SLCO1B3: variants seen among roughly 807,000 people sequenced by gnomAD.
SLCO1B3 encodes the protein solute carrier organic anion transporter family member 1B3.
SLCO1B3 carries 72 observed loss-of-function variants against 71.8 expected under a neutral mutation model. The ratio of observed to expected loss-of-function variants is 1.00; its 90% CI spans 0.83 to 1.22. The LOEUF (loss-of-function observed/expected upper bound fraction) is 1.22, where lower values mean the gene tolerates loss of function less well. SLCO1B3 is among the 50% of genes most tolerant of loss of function. The pLI is 0.00. For missense variants in SLCO1B3, 911 were observed against 819.7 expected (o/e 1.11, Z -1.36); for synonymous variants, 298 against 278.4 (o/e 1.07, Z -0.70).
intron 15 of SLCO1B3, among the ~76,000 whole-genome samples, chr12:20,910,071 G>A (rs949176182): frequency 3.9e-5 from 6 of 152,106 alleles, no homozygotes; most frequent in Non-Finnish European, 8.8e-5. Context: ...GCTTACTCCT[G>A]TGTTACGTCC....
chr12:20,840,548 C>A (rs1864775472), intron 3 of SLCO1B3, among the ~76,000 whole-genome samples: 1 of 152,026 alleles, frequency 6.6e-6, no homozygotes, highest in African/African-American at 2.4e-5. Flanking sequence ...CAACACCACA[C>A]CCAGCTAATT....
chr12:20,883,648 C>G (rs1286429811), intron 13 of SLCO1B3, 46 bp downstream of exon 13: 1 of 1,240,850 alleles, frequency 8.1e-7, no homozygotes, highest in African/African-American at 1.6e-5. Context: ...TAGACTAAAA[C>G]ACACCTAATG....
At chr12:20,861,746 GA>G (rs4149161) in intron 6 of SLCO1B3, among the ~76,000 whole-genome samples, 109,947 of 151,668 alleles carry the variant, frequency 0.72, 42,417 homozygotes, top group South Asian at 0.9. Flanking sequence ...TGAAGTGGAG[GA>G]AAAAAAATGA....
At chr12:20,818,908 C>G (rs887412789) in intron 3 of SLCO1B3, among the ~76,000 whole-genome samples, 6 of 152,080 alleles carry the variant, frequency 3.9e-5, no homozygotes, top group Admixed American at 1.3e-4. Flanking sequence ...GAAGTCCGGG[C>G]CAGGAACAAT....
rs180925217 is a variant in SLCO1B3 at position 20,867,968 on chromosome 12, A to G, written c.727+5114A>G. On this transcript the variant is annotated intron_variant, in intron 8 of 15. Coordinates refer to ENST00000381545, the MANE Select transcript of SLCO1B3 (RefSeq NM_019844.4). ...CAGTGCCTCCCCTTCCTCCTCCTCT[A>G]CCTGTTCAATGTGAAGAGATGAGGA... Among the ~76,000 whole-genome samples the G allele has an allele frequency of 2.9e-3, 444 of 152,096 alleles. 1 individual carries two copies. Among genetic ancestry groups the G allele is most frequent in the African/African-American group, 9.9e-3 (409 of 41,480 alleles).
chr12:20,862,754 A>T lies in SLCO1B3; in HGVS notation c.629-2A>T, dbSNP rs1284900418. On this transcript the variant is annotated splice_acceptor_variant, in intron 7 of 15. Coordinates refer to ENST00000381545, the MANE Select transcript of SLCO1B3 (RefSeq NM_019844.4). LOFTEE classifies it high-confidence loss of function. ...GATTAAATTGTTTTGTAATACTTAC[A>T]GGTAGTTTGAATGCAATAGGAATGA... 4.4e-6 allele frequency: 7 copies of T among 1,600,904 alleles called. No individual in the cohort carries two copies. Among genetic ancestry groups the T allele is most frequent in the Non-Finnish European group, 6.0e-6 (7 of 1,171,714 alleles).
chr12:20,854,454 T>A (rs991117659), intron 3 of SLCO1B3, among the ~76,000 whole-genome samples: 1 of 152,210 alleles, frequency 6.6e-6, no homozygotes, highest in Non-Finnish European at 1.5e-5. Flanking sequence ...TATAATGTCC[T>A]TTGTCTCCTG....
rs1403966120 is a variant in SLCO1B3 at position 20,819,523 on chromosome 12, G to A, written c.84+3701G>A. ...GATCCAGAACAGAATAATGGATTGTGGAGGGAGGTATTGAGGATAGTAGAG... is the reference window on the plus strand; with the variant it reads ...GATCCAGAACAGAATAATGGATTGTAGAGGGAGGTATTGAGGATAGTAGAG... On this transcript the variant is annotated intron_variant, in intron 3 of 15. Coordinates refer to ENST00000381545, the MANE Select transcript of SLCO1B3 (RefSeq NM_019844.4). Among the ~76,000 whole-genome samples, 4 of 152,130 alleles carry A rather than the reference G, an allele frequency of 2.6e-5. No individual in the cohort carries two copies. In the East Asian group the frequency reaches 7.7e-4, roughly 29 times the overall value.
chr12:20,824,646 A>C (rs1211150470), intron 3 of SLCO1B3, among the ~76,000 whole-genome samples: 1 of 152,194 alleles, frequency 6.6e-6, no homozygotes, highest in Non-Finnish European at 1.5e-5. Flanking sequence ...CAGGAATTGC[A>C]TATATTTTTG....
intron 4 of SLCO1B3, among the ~76,000 whole-genome samples, chr12:20,857,779 G>A (rs1391565059): frequency 1.3e-5 from 2 of 151,806 alleles, no homozygotes; most frequent in African/African-American, 4.8e-5. Context: ...CTTGATTATT[G>A]TCTGTTCAAT....
chr12:20,855,280 T>C, intron 4 of SLCO1B3, 111 bp downstream of exon 4: 1 of 895,854 alleles, frequency 1.1e-6, no homozygotes, highest in South Asian at 1.7e-5. Context: ...TTGTCTCTCA[T>C]GGGCAATTTG....
At chr12:20,908,381 C>G (rs2196017) in intron 15 of SLCO1B3, among the ~76,000 whole-genome samples, 109,310 of 152,078 alleles carry the variant, frequency 0.72, 43,295 homozygotes, top group South Asian at 0.94. Flanking sequence ...ATTGACACAT[C>G]TTTATCACTC....
intron 5 of SLCO1B3, 150 bp downstream of exon 5, chr12:20,858,721 T>C (rs1865193067): frequency 1.6e-6 from 1 of 630,046 alleles, no homozygotes; most frequent in South Asian, 2.9e-5. Flanking sequence ...TCCTATATAA[T>C]AGTTCATGTA....
chr12:20,892,880 A>T (rs1332048907), intron 13 of SLCO1B3, among the ~76,000 whole-genome samples: 6 of 152,186 alleles, frequency 3.9e-5, no homozygotes. Context: ...TCCTCCAGGG[A>T]TGCAGCTCTT....
chr12:20,886,792 C>T (rs960195758), intron 13 of SLCO1B3, among the ~76,000 whole-genome samples: 1 of 151,784 alleles, frequency 6.6e-6, no homozygotes, highest in Admixed American at 6.6e-5. Flanking sequence ...GTGGTAAAGT[C>T]TGGGGTTTAA....
chr12:20,855,515 T>A (rs1025729604), intron 4 of SLCO1B3, among the ~76,000 whole-genome samples: 2 of 152,104 alleles, frequency 1.3e-5, no homozygotes, highest in African/African-American at 4.8e-5. Flanking sequence ...GGAAACTTTA[T>A]CTCCCTTGTC....
chr12:20,844,528 A>G (rs1383906865), intron 3 of SLCO1B3, among the ~76,000 whole-genome samples: 5 of 152,022 alleles, frequency 3.3e-5, no homozygotes, highest in Non-Finnish European at 5.9e-5. Flanking sequence ...AGATCACACC[A>G]TTGCACTCCA....
At chr12:20,877,675 C>A in intron 9 of SLCO1B3, 97 bp from the exon 10 acceptor site, 1 of 480,140 alleles carries the variant, frequency 2.1e-6, no homozygotes, top group Non-Finnish European at 3.2e-6. Context: ...CCTCACAAAT[C>A]ATTTGTAACT....
At chr12:20,861,923 C>A (rs1451864429) in intron 6 of SLCO1B3, among the ~76,000 whole-genome samples, 1 of 137,552 alleles carries the variant, frequency 7.3e-6, no homozygotes, top group Non-Finnish European at 1.6e-5. Context: ...ACAGCCATGA[C>A]ATCCATGTTT....
Sources: allele counts gnomAD v4.1 joint callset (sites outside exome capture counted in the v4.1 genomes callset), GRCh38; gene constraint gnomAD v4.1.1; transcripts MANE v1.5; gene names NCBI Gene and HGNC (gene_info 2026-07-23, HGNC 2026-07-21).